The following HERC2 variants were observed in gnomAD, a reference collection of about 807,000 sequenced individuals.
The protein encoded by HERC2 is E3 ubiquitin-protein ligase HERC2.
HERC2 carries 102 observed loss-of-function variants against 537.7 expected under a neutral mutation model. The ratio of observed to expected loss-of-function variants is 0.19; its 90% CI spans 0.16 to 0.22. The LOEUF is 0.22. Among genes scored for constraint, HERC2 ranks in the 10% least tolerant of loss-of-function variants. HERC2 has a pLI of 1.00. For missense variants in HERC2, 4,236 were observed against 6,198.2 expected (o/e 0.68, Z 10.63); for synonymous variants, 2,224 against 2,466.2 (o/e 0.90, Z 2.91).
At chr15:28,144,534 G>A in intron 72 of HERC2, 139 bp downstream of exon 72, 1 of 1,174,804 alleles carries the variant, frequency 8.5e-7, no homozygotes, top group South Asian at 1.4e-5. Context: ...GCCTCAGCAG[G>A]GCCTGTGAGA....
At position 28,204,934 on chromosome 15, in the gene HERC2, A is replaced by C. The variant is rs542820671; in HGVS notation, c.7212+1306T>G. Among the ~76,000 whole-genome samples, 8 of 152,328 alleles carry C rather than the reference A, an allele frequency of 5.3e-5. No individual in the cohort carries two copies. The East Asian group carries it at 1.5e-3, about 29-fold the overall frequency. ...GAACAAAAAGAGCAAGGCAGGGGGA[A>C]AAAACAATAGTCAAAAGTTTCCAAA... On this transcript the variant is annotated intron_variant, in intron 45 of 92. Coordinates refer to ENST00000261609, the MANE Select transcript of HERC2 (RefSeq NM_004667.6).
intron 16 of HERC2, among the ~76,000 whole-genome samples, chr15:28,260,462 C>T (rs1316711557): frequency 6.6e-6 from 1 of 152,196 alleles, no homozygotes; most frequent in Non-Finnish European, 1.5e-5. Flanking sequence ...AGGATCAAGG[C>T]AGGGTGCCCA....
At chr15:28,300,633 C>A (rs2076594294) in intron 2 of HERC2, among the ~76,000 whole-genome samples, 1 of 148,686 alleles carries the variant, frequency 6.7e-6, no homozygotes, top group Non-Finnish European at 1.5e-5. Context: ...ACCAGCCTGG[C>A]CAACATGGTG....
In HERC2 at chr15:28,149,248, T is replaced by C. The variant is rs377274604; in HGVS notation, c.10901-2904A>G. Among the ~76,000 whole-genome samples, 19 of 140,980 alleles carry C rather than the reference T, an allele frequency of 1.3e-4. 1 individual carries two copies. Among genetic ancestry groups the C allele is most frequent in the Admixed American group, 9.5e-4 (13 of 13,738 alleles). The allele number at this position is 140,980 out of a possible 152,430, so 92.5% of individuals were successfully genotyped here. ...TCCTAACTGAAAACATCACCGAAAA[T>C]GGCCACACGAACACGTGTTCTAGTA... On this transcript the variant is annotated intron_variant, in intron 70 of 92. Coordinates refer to ENST00000261609, the MANE Select transcript of HERC2 (RefSeq NM_004667.6).
chr15:28,288,438 G>A (rs1478579029), intron 4 of HERC2, among the ~76,000 whole-genome samples: 6 of 1,906 alleles, frequency 3.1e-3, no homozygotes, highest in Admixed American at 8.0e-3. Context: ...AGCCAGAATC[G>A]TTTGAACCCA....
At chr15:28,214,942 G>A (rs1205819816) in intron 39 of HERC2, 140 bp from the exon 40 acceptor site, 12 of 665,702 alleles carry the variant, frequency 1.8e-5, no homozygotes, top group East Asian at 1.1e-4. Context: ...GCACGGTCTC[G>A]GCTCACTACA....
At chr15:28,178,774 C>T in intron 59 of HERC2, 113 bp downstream of exon 59, 1 of 1,149,322 alleles carries the variant, frequency 8.7e-7, no homozygotes, top group Admixed American at 2.6e-5. Context: ...AATTTTTATT[C>T]CTACTAAGTA....
intron 5 of HERC2, among the ~76,000 whole-genome samples, chr15:28,278,276 G>C (rs889362553): frequency 3.3e-5 from 5 of 152,042 alleles, no homozygotes; most frequent in African/African-American, 4.8e-5. Flanking sequence ...CCAGCTACTT[G>C]GGAGGCTGAG....
chr15:28,235,931 G>A (rs1253788638), intron 26 of HERC2, among the ~76,000 whole-genome samples: 1 of 152,114 alleles, frequency 6.6e-6, no homozygotes, highest in East Asian at 1.9e-4. Flanking sequence ...TAGGAGACAG[G>A]AAGAAACTTA....
intron 88 of HERC2, 152 bp from the exon 89 acceptor site, chr15:28,115,693 C>T (rs1168048743): frequency 1.7e-6 from 1 of 600,036 alleles, no homozygotes; most frequent in Non-Finnish European, 3.0e-6. Context: ...GGCCCTTCCT[C>T]AAGACCGCCT....
chr15:28,132,166 G>A lies in HERC2; in HGVS notation c.12504C>T (p.Ser4168=), dbSNP rs1422290509. 3 of 1,613,794 alleles carry A rather than the reference G, an allele frequency of 1.9e-6. No homozygotes were observed. Among genetic ancestry groups the A allele is most frequent in the East Asian group, 2.2e-5 (1 of 44,872 alleles). The change falls in exon 81 of 93, where the codon TCC becomes TCT. Residue 4168 remains serine, a synonymous_variant. Coordinates refer to ENST00000261609, the MANE Select transcript of HERC2 (RefSeq NM_004667.6). The part of the protein sequence containing the change: ...LCLTDDDTVW[S]WGDGDYGKLG... The stretch of plus-strand genomic sequence containing the variant: ...GCTTGCCGTAGTCCCCGTCCCCCCA[G>A]GACCAGACAGTGTCGTCATCTGTGA...
chr15:28,223,463 A>G (rs1452368860), intron 35 of HERC2, among the ~76,000 whole-genome samples: 1 of 152,182 alleles, frequency 6.6e-6, no homozygotes, highest in African/African-American at 2.4e-5. Flanking sequence ...GCAAAACTTT[A>G]GATAAACTAG....
rs148285968 is a variant in HERC2 at position 28,139,259 on chromosome 15, C to T, written c.12015+2173G>A. 2.9e-3 allele frequency among the ~76,000 whole-genome samples: 449 copies of T among 152,344 alleles called. 2 individuals are homozygous for T. The highest frequency in any genetic ancestry group is 0.01 in the African/African-American group (424 of 41,572). ...TAGGGCAAGAACTGGAGTGTGGTCA[C>T]TTCTGTGATTCAGTTACACAGGACC... is the stretch of plus-strand genomic sequence containing the variant. On this transcript the variant is annotated intron_variant, in intron 78 of 92. Coordinates refer to ENST00000261609, the MANE Select transcript of HERC2 (RefSeq NM_004667.6).
intron 2 of HERC2, among the ~76,000 whole-genome samples, chr15:28,317,340 C>T (rs2077115916): frequency 6.6e-6 from 1 of 152,200 alleles, no homozygotes; most frequent in African/African-American, 2.4e-5. Flanking sequence ...CCGCCCTCCT[C>T]GGCCTCCCAA....
At chr15:28,244,554 A>G (rs1903471119) in intron 23 of HERC2, among the ~76,000 whole-genome samples, 2 of 152,186 alleles carry the variant, frequency 1.3e-5, no homozygotes, top group South Asian at 4.1e-4. Context: ...TCTATGATCA[A>G]TTACAGGTAT....
At chr15:28,136,155 T>A (rs911138823) in intron 78 of HERC2, among the ~76,000 whole-genome samples, 1 of 151,936 alleles carries the variant, frequency 6.6e-6, no homozygotes, top group Non-Finnish European at 1.5e-5. Flanking sequence ...TAAGTGGGAA[T>A]GTTTTAGGAC....
Position 28,113,820 on chromosome 15 carries a change from A to G in HERC2, c.13914-142T>C, listed in dbSNP as rs1233077515. On this transcript the variant is annotated intron_variant, in intron 90 of 92. Coordinates refer to ENST00000261609, the MANE Select transcript of HERC2 (RefSeq NM_004667.6). This position sits in a 1 kb window ranked among gnomAD's most constrained non-coding sequence, Gnocchi z 7.0. Reference sequence around the variant, plus strand: ...GGGAGCAGCTCCAGATGGCATGAGCATGCTTAGCAGCTCGGCACTGCAGAG... The same window carrying G: ...GGGAGCAGCTCCAGATGGCATGAGCGTGCTTAGCAGCTCGGCACTGCAGAG... 1 of 681,716 alleles carries G rather than the reference A, an allele frequency of 1.5e-6. No homozygotes were observed. The highest frequency in any genetic ancestry group is 2.6e-6 in the Non-Finnish European group (1 of 381,310). 42.2% of individuals were successfully genotyped at this position (681,716 alleles called of 1,614,324 possible).
chr15:28,157,231 T>G (rs1475761331), intron 69 of HERC2, among the ~76,000 whole-genome samples: 1 of 152,228 alleles, frequency 6.6e-6, no homozygotes, highest in Non-Finnish European at 1.5e-5. Flanking sequence ...TCTGCCAGGC[T>G]TTGGTATCAG....
rs565771108 is a variant in HERC2, at chr15:28,269,337, C to T, written c.1357G>A (p.Val453Ile). The T allele has an allele frequency of 1.2e-6, 2 of 1,614,224 alleles. No individual in the cohort carries two copies. The highest frequency in any genetic ancestry group is 2.7e-5 in the African/African-American group (2 of 75,076). The change falls in exon 11 of 93, where the codon GTC becomes ATC. Residue 453 changes from valine (V) to isoleucine (I), a missense_variant. This residue lies in a region of HERC2 where 491 missense variants were observed against 559.3 expected (regional missense o/e 0.88). Coordinates refer to ENST00000261609, the MANE Select transcript of HERC2 (RefSeq NM_004667.6). ...TTCTCTGCACAGGCAATCTGTGTGA[C>T]TCCCAGGTTGGCCAGGCCTTCGCAC... is the stretch of plus-strand genomic sequence containing the variant. ...IQCEGLANLG[V>I]TQIACAEKRF...
Sources: gnomAD v4.1 joint callset for allele counts (sites outside exome capture counted in the v4.1 genomes callset) on GRCh38, gnomAD v4.1.1 for gene constraint, gnomAD v4.1.1 regional missense constraint, Gnocchi (gnomAD v3.1) non-coding constraint, MANE v1.5 for transcripts, NCBI Gene and HGNC (gene_info 2026-07-23, HGNC 2026-07-21) for gene names.